PAICS: variants seen among roughly 807,000 people sequenced by gnomAD.
The protein encoded by PAICS is bifunctional phosphoribosylaminoimidazole carboxylase/phosphoribosylaminoimidazole succinocarboxamide synthetase.
A neutral mutation model predicts 53.7 loss-of-function variants in PAICS; 33 were observed. That is an observed-to-expected ratio of 0.61 (90% confidence interval 0.47 to 0.82). The LOEUF (loss-of-function observed/expected upper bound fraction) is 0.82, where lower values mean the gene tolerates loss of function less well. PAICS is among the 40% of genes least tolerant of loss of function. PAICS has a pLI of 0.00. For missense variants in PAICS, 394 were observed against 494.1 expected (o/e 0.80, Z 1.92); for synonymous variants, 141 against 167.2 (o/e 0.84, Z 1.21).
chr4:56,435,212 A>G (rs1316289152), upstream of PAICS: 4 of 1,297,470 alleles, frequency 3.1e-6, no homozygotes, highest in Non-Finnish European at 4.2e-6. Context: ...AACCCGGTCG[A>G]CGCCACAGGC....
chr4:56,425,816 TAATC>T, the PAICS span, among the ~76,000 whole-genome samples: 4 of 152,152 alleles, frequency 2.6e-5, no homozygotes, highest in African/African-American at 9.7e-5. Flanking sequence ...GCCAATGACT[TAATC>T]AATCACATCA....
upstream of PAICS, chr4:56,435,333 C>T (rs756781025): frequency 6.2e-7 from 1 of 1,613,372 alleles, no homozygotes; most frequent in African/African-American, 1.3e-5. Context: ...CCCCGCCACC[C>T]CCACCCTGTT....
the PAICS span, chr4:56,422,725 C>T: frequency 2.6e-5 from 4 of 152,024 alleles, no homozygotes; most frequent in African/African-American, 9.7e-5. Context: ...TTAATAGACG[C>T]TACCATACCT....
the PAICS span, among the ~76,000 whole-genome samples, chr4:56,427,326 G>C: frequency 6.6e-6 from 1 of 152,076 alleles, no homozygotes; most frequent in Non-Finnish European, 1.5e-5. Context: ...GCATGTATAT[G>C]TTTTTATGTG....
chr4:56,436,949 A>T (rs1175134532), intron 1 of PAICS, among the ~76,000 whole-genome samples: 1 of 152,222 alleles, frequency 6.6e-6, no homozygotes, highest in African/African-American at 2.4e-5. Flanking sequence ...GTGAGCCGAG[A>T]TCGCGCCATT....
the PAICS span, chr4:56,422,832 C>T: frequency 6.6e-6 from 1 of 152,142 alleles, no homozygotes; most frequent in Admixed American, 6.5e-5. Context: ...CAATGTTCCC[C>T]ATCGCTGTTT....
At chr4:56,436,255 T>TTA, upstream of PAICS, 1 of 1,569,398 alleles carries the variant, frequency 6.4e-7, no homozygotes, top group South Asian at 1.2e-5. Context: ...CCACCCCTCT[T>TTA]TTCTAGAGTT....
chr4:56,437,592 G>A (rs1422989813), intron 1 of PAICS, among the ~76,000 whole-genome samples: 3 of 151,888 alleles, frequency 2.0e-5, no homozygotes, highest in Admixed American at 6.6e-5. Flanking sequence ...GGAGTCCCAG[G>A]CGGGCGGATC....
At chr4:56,446,917 C>T (rs752185680) in intron 3 of PAICS, 44 bp downstream of exon 3, 1 of 1,147,232 alleles carries the variant, frequency 8.7e-7, no homozygotes, top group Non-Finnish European at 1.2e-6. Flanking sequence ...TGTAACACGG[C>T]AATAAATTTA....
At chr4:56,435,995 G>A (rs1560654371), upstream of PAICS, 1 of 1,525,978 alleles carries the variant, frequency 6.6e-7, no homozygotes, top group South Asian at 1.1e-5. Flanking sequence ...CTTCCGCAGA[G>A]TGGGGAGGGG....
intron 1 of PAICS, among the ~76,000 whole-genome samples, chr4:56,437,323 C>T (rs998874367): frequency 6.7e-6 from 1 of 149,114 alleles, no homozygotes; most frequent in Middle Eastern, 3.5e-3. Context: ...TTTGATGCCA[C>T]GATGGCTTTG....
chr4:56,428,462 C>A, the PAICS span, among the ~76,000 whole-genome samples: 1 of 151,966 alleles, frequency 6.6e-6, no homozygotes, highest in Admixed American at 6.6e-5. Context: ...AGACCGGAAA[C>A]AATGTCATAC....
chr4:56,456,458 A>G (rs984730151), intron 8 of PAICS, among the ~76,000 whole-genome samples: 1 of 152,062 alleles, frequency 6.6e-6, no homozygotes, highest in African/African-American at 2.4e-5. Context: ...CCCAGGTGGG[A>G]GCACAGTGGC....
chr4:56,452,685 G>A (rs1360839069), intron 7 of PAICS, among the ~76,000 whole-genome samples: 2 of 152,198 alleles, frequency 1.3e-5, no homozygotes, highest in Non-Finnish European at 2.9e-5. Flanking sequence ...CACAGTTACA[G>A]GAGGCGGGAG....
intron 1 of PAICS, among the ~76,000 whole-genome samples, chr4:56,437,819 C>G (rs1328716143): frequency 1.4e-4 from 3 of 21,592 alleles, no homozygotes; most frequent in Non-Finnish European, 2.8e-4. Context: ...GACTCTGTCT[C>G]AAAAAAAAAA....
At chr4:56,413,303 C>T in the PAICS span, among the ~76,000 whole-genome samples, 1,057 of 152,196 alleles carry the variant, frequency 6.9e-3, 14 homozygotes, top group African/African-American at 0.024. Flanking sequence ...AGAGGCGCAA[C>T]GCCACCATGC....
intron 1 of PAICS, among the ~76,000 whole-genome samples, chr4:56,441,101 G>A (rs141366792): frequency 0.012 from 1,802 of 152,262 alleles, 21 homozygotes; most frequent in Non-Finnish European, 0.019. Flanking sequence ...CAATGGGATG[G>A]CATGCCTCCT....
At chr4:56,433,397 T>TAAA (rs34598008), upstream of PAICS, among the ~76,000 whole-genome samples, 3 of 118,246 alleles carry the variant, frequency 2.5e-5, no homozygotes, top group East Asian at 2.4e-4. Flanking sequence ...TGGTATTCAT[T>TAAA]AAAAAAAAAA....
chr4:56,433,936 C>A (rs1406033888), upstream of PAICS, among the ~76,000 whole-genome samples: 1 of 152,116 alleles, frequency 6.6e-6, no homozygotes, highest in African/African-American at 2.4e-5. Context: ...GTGATCCGCC[C>A]GCCTCGGCCT....
Sources: gnomAD v4.1 joint callset for allele counts (sites outside exome capture counted in the v4.1 genomes callset) on GRCh38, gnomAD v4.1.1 for gene constraint, MANE v1.5 for transcripts, NCBI Gene and HGNC (gene_info 2026-07-23, HGNC 2026-07-21) for gene names.